Variants in SLC12A1 observed in about 807,000 individuals in gnomAD.
SLC12A1 encodes Na-K-2Cl cotransporter.
A neutral mutation model predicts 130.4 loss-of-function variants in SLC12A1; 89 were observed. The ratio of observed to expected loss-of-function variants is 0.68; its 90% CI spans 0.58 to 0.81. The LOEUF is 0.81. Ranked by LOEUF, SLC12A1 falls within the 40% of genes least tolerant of loss-of-function variation. The probability of loss-of-function intolerance (pLI) is 0.00; values close to 1 mark genes in which losing one functional copy is unlikely to be tolerated. For synonymous variants in SLC12A1, 499 were observed against 460.0 expected (o/e 1.08, Z -1.09); for missense variants, 1,310 against 1,336.4 (o/e 0.98, Z 0.31).
At chr15:48,270,543 C>G (rs916044108) in intron 19 of SLC12A1, among the ~76,000 whole-genome samples, 3 of 149,572 alleles carry the variant, frequency 2.0e-5, no homozygotes, top group African/African-American at 7.4e-5. Context: ...AAAGTTGAAA[C>G]TCATGACTAT....
At chr15:48,223,600 G>T (rs1015110105) in intron 4 of SLC12A1, 1 of 152,206 alleles carries the variant, frequency 6.6e-6, no homozygotes, top group Non-Finnish European at 1.5e-5. Context: ...TAATAAGGTT[G>T]GAGTAGGTTT....
intron 9 of SLC12A1, among the ~76,000 whole-genome samples, chr15:48,240,391 C>T (rs2041502657): frequency 6.6e-6 from 1 of 151,976 alleles, no homozygotes; most frequent in Admixed American, 6.6e-5. Context: ...AGAACAAACC[C>T]TGTGTACAGA....
In SLC12A1 at chr15:48,246,997, G is replaced by A. The variant is rs747303975; in HGVS notation, c.1541G>A (p.Ser514Asn). ...TLSSALASLV[S>N]APKVFQALCK... is the part of the protein sequence containing the mutation. ...TCCTCCGCCCTGGCCTCCCTTGTCA[G>A]CGCACCCAAAGTGTTCCAGGTAATA... Residue 514 changes from serine to asparagine, a missense_variant, in exon 12 of 27, where the codon AGC becomes AAC. Physicochemically the swap from Ser to Asn is conservative, Grantham distance 46 (BLOSUM62 1). Transcript: ENST00000380993. 5 of 1,613,730 alleles carry A rather than the reference G, an allele frequency of 3.1e-6. No homozygotes were observed. The highest frequency in any genetic ancestry group is 4.2e-6 in the Non-Finnish European group (5 of 1,179,730).
At chr15:48,286,797 A>G (rs1176317443) in intron 21 of SLC12A1, among the ~76,000 whole-genome samples, 1 of 152,214 alleles carries the variant, frequency 6.6e-6, no homozygotes, top group Non-Finnish European at 1.5e-5. Context: ...CTGGGCTTCC[A>G]TTGCTTGTCA....
At chr15:48,246,411 G>A (rs966507257) in intron 11 of SLC12A1, among the ~76,000 whole-genome samples, 2 of 152,124 alleles carry the variant, frequency 1.3e-5, no homozygotes, top group Admixed American at 1.3e-4. Flanking sequence ...ATATCTTCTG[G>A]ATATATTGCG....
intron 15 of SLC12A1, among the ~76,000 whole-genome samples, chr15:48,254,906 A>G (rs916174820): frequency 6.6e-6 from 1 of 151,568 alleles, no homozygotes; most frequent in Non-Finnish European, 1.5e-5. Context: ...CCTGGGCGAC[A>G]GAGCCAGACT....
chr15:48,255,824 C>T lies in SLC12A1; in HGVS notation c.1956C>T (p.Gly652=). 6.2e-7 allele frequency: 1 copy of T among 1,604,882 alleles called. No homozygotes were observed. Among genetic ancestry groups the T allele is most frequent in the Non-Finnish European group, 8.5e-7 (1 of 1,174,736 alleles). ...CTTTATCCACAGATGTGAACTGGGG[C>T]TCCTCCACACAGGCTCTTTCCTACG... ...VTCKKPDVNW[G]SSTQALSYVS... The change falls in exon 16 of 27, where the codon GGC becomes GGT. Residue 652 remains glycine (G), a synonymous_variant. Coordinates refer to ENST00000380993, the MANE Select transcript of SLC12A1 (RefSeq NM_000338.3).
At position 48,230,398 on chromosome 15, in the gene SLC12A1, T is replaced by C; in HGVS notation, c.870T>C (p.Ser290=). The C allele has an allele frequency of 6.2e-7, 1 of 1,605,254 alleles. No individual in the cohort carries two copies. The highest frequency in any genetic ancestry group is 2.2e-5 in the East Asian group (1 of 44,790). ...TTAATAATTTGTTTCCCCAGGAGAG[T>C]GATTCGATGATGGTGGATCCAACCA... is the stretch of plus-strand genomic sequence containing the variant. ...AETVVDLLKE[S]DSMMVDPTND... is the part of the protein sequence containing the mutation. The change falls in exon 7 of 27, where the codon AGT becomes AGC. Residue 290 remains serine, a synonymous_variant. Transcript: ENST00000380993.
rs2141110991 is a variant in SLC12A1, at chr15:48,285,144, G to A, written c.2524G>A (p.Glu842Lys). 1 of 1,613,314 alleles carries A rather than the reference G, an allele frequency of 6.2e-7. No homozygotes were observed. The highest frequency in any genetic ancestry group is 2.2e-5 in the East Asian group (1 of 44,868). Residue 842 changes from glutamate to lysine, a missense_variant, in exon 21 of 27, where the codon GAA becomes AAA. Coordinates refer to ENST00000380993, the MANE Select transcript of SLC12A1 (RefSeq NM_000338.3). ...ERLEQERLAL[E>K]ATIKDNECEE... is the part of the protein sequence containing the mutation. The stretch of plus-strand genomic sequence containing the variant: ...ATTAGAACAGGAGAGACTAGCATTG[G>A]AAGCGACTATCAAAGATAATGAGTG...
chr15:48,211,876 G>T (rs2041055811), intron 2 of SLC12A1, among the ~76,000 whole-genome samples: 2 of 152,264 alleles, frequency 1.3e-5, no homozygotes, highest in South Asian at 4.1e-4. Flanking sequence ...TAATCCCAAT[G>T]ACTTGAGATC....
intron 8 of SLC12A1, 105 bp downstream of exon 8, chr15:48,232,943 T>C (rs1028032645): frequency 1.4e-6 from 1 of 708,384 alleles, no homozygotes; most frequent in Non-Finnish European, 2.5e-6. Flanking sequence ...CTGGCTCCCC[T>C]TTCAAGTTAC....
chr15:48,233,749 C>A (rs2041406784), intron 8 of SLC12A1, among the ~76,000 whole-genome samples: 1 of 152,090 alleles, frequency 6.6e-6, no homozygotes, highest in African/African-American at 2.4e-5. Flanking sequence ...TTCATAAAGA[C>A]TTTCTGGTTT....
chr15:48,243,609 C>T (rs2141053319), intron 10 of SLC12A1, among the ~76,000 whole-genome samples: 1 of 152,230 alleles, frequency 6.6e-6, no homozygotes, highest in African/African-American at 2.4e-5. Flanking sequence ...GAGCCAAGAT[C>T]GTGCACTGCA....
At chr15:48,288,592 A>G (rs2042085179) in intron 23 of SLC12A1, 76 bp downstream of exon 23, 4 of 727,034 alleles carry the variant, frequency 5.5e-6, no homozygotes, top group Non-Finnish European at 9.6e-6. Context: ...AATAACTTTA[A>G]GTGTCTCTGA....
intron 9 of SLC12A1, among the ~76,000 whole-genome samples, chr15:48,240,092 C>CCAT (rs1491132658): frequency 1.7e-5 from 1 of 60,450 alleles, no homozygotes; most frequent in African/African-American, 8.2e-5. Flanking sequence ...TATATATATC[C>CCAT]ATATATATAT....
intron 25 of SLC12A1, among the ~76,000 whole-genome samples, chr15:48,300,061 C>T (rs1337088459): frequency 6.6e-6 from 1 of 152,154 alleles, no homozygotes; most frequent in Non-Finnish European, 1.5e-5. Flanking sequence ...GCCGGGTGCA[C>T]TGGCTCACAC....
At position 48,274,625 on chromosome 15, in the gene SLC12A1, T is replaced by C; in HGVS notation, c.2457T>C (p.Phe819=). The change falls in exon 20 of 27, where the codon TTT becomes TTC. Residue 819 remains phenylalanine, a synonymous_variant. Coordinates refer to ENST00000380993, the MANE Select transcript of SLC12A1 (RefSeq NM_000338.3). The part of the protein sequence containing the change: ...GVVIVRISQG[F]DISQVLQVQE... Reference sequence around the variant, plus strand: ...TTATAGTCAGAATCAGCCAAGGATTTGACATCTCTCAGGTTCTTCAGGTGC... The same window carrying C: ...TTATAGTCAGAATCAGCCAAGGATTCGACATCTCTCAGGTTCTTCAGGTGC... 1 of 1,613,048 alleles carries C rather than the reference T, an allele frequency of 6.2e-7. No individual in the cohort carries two copies. The highest frequency in any genetic ancestry group is 8.5e-7 in the Non-Finnish European group (1 of 1,179,294).
chr15:48,302,321 G>A (rs1174480960), intron 26 of SLC12A1, among the ~76,000 whole-genome samples: 9 of 152,006 alleles, frequency 5.9e-5, no homozygotes, highest in Admixed American at 1.3e-4. Flanking sequence ...TTGGGGTGGC[G>A]TAAAAATTAA....
chr15:48,290,590 G>A (rs935995474), intron 23 of SLC12A1, among the ~76,000 whole-genome samples: 2 of 152,078 alleles, frequency 1.3e-5, no homozygotes, highest in Non-Finnish European at 2.9e-5. Context: ...CAACAGCTAC[G>A]ACATCACTAG....
Sources: gnomAD v4.1 joint callset for allele counts (sites outside exome capture counted in the v4.1 genomes callset) on GRCh38, gnomAD v4.1.1 for gene constraint, MANE v1.5 for transcripts, NCBI Gene and HGNC (gene_info 2026-07-23, HGNC 2026-07-21) for gene names.